Variants in TRIM22 observed in about 807,000 individuals in gnomAD.
The protein encoded by TRIM22 is E3 ubiquitin-protein ligase TRIM22.
A neutral mutation model predicts 53.6 loss-of-function variants in TRIM22; 45 were observed. That is an observed-to-expected ratio of 0.84 (90% CI 0.66 to 1.08). The LOEUF is 1.08. Among genes scored for constraint, TRIM22 ranks in the 50% least tolerant of loss-of-function variants. The pLI, the probability that TRIM22 is intolerant of heterozygous loss-of-function variation, is 0.00. For synonymous variants in TRIM22, 225 were observed against 216.6 expected (o/e 1.04, Z -0.34); for missense variants, 616 against 590.9 (o/e 1.04, Z -0.44).
rs1281477595 is a variant in TRIM22 at position 5,689,867 on chromosome 11, CCT to C, written c.-98_-97del. On this transcript the variant is annotated 5_prime_UTR_variant, in exon 1 of 8. Transcript: ENST00000379965. ...TCCTGCCCTGCCTTCACTCTTCTCC[CCT>C]GATTCAAGACTCCTCTGCTTTGGAC... 1 of 152,264 alleles carries C rather than the reference CCT, an allele frequency of 6.6e-6. No homozygotes were observed. The highest frequency in any genetic ancestry group is 1.9e-4 in the East Asian group (1 of 5,198). 9.4% of individuals were successfully genotyped at this position (152,264 alleles called of 1,614,324 possible).
At chr11:5,692,389 TA>T (rs1300187043) in intron 1 of TRIM22, among the ~76,000 whole-genome samples, 40 of 152,356 alleles carry the variant, frequency 2.6e-4, no homozygotes, top group African/African-American at 9.1e-4. Context: ...GACACTGGGG[TA>T]GCTTTATGAA....
At chr11:5,700,605 T>TTTTTTTTTTTTTTTTTTTTTTTC (rs369811867) in intron 4 of TRIM22, among the ~76,000 whole-genome samples, 2 of 92,870 alleles carry the variant, frequency 2.2e-5, no homozygotes, top group Non-Finnish European at 4.1e-5. Flanking sequence ...TTTTTTTTTT[T>TTTTTTTTTTTTTTTTTTTTTTTC]CAGATTTGTA....
At chr11:5,699,559 A>T (rs1279852312) in intron 4 of TRIM22, among the ~76,000 whole-genome samples, 1 of 122,158 alleles carries the variant, frequency 8.2e-6, no homozygotes, top group African/African-American at 3.9e-5. Flanking sequence ...AAAAAAAAAA[A>T]AAAAAAAAAA....
At chr11:5,708,963 C>T (rs2134184980) in intron 7 of TRIM22, 90 bp from the exon 8 acceptor site, 7 of 1,042,512 alleles carry the variant, frequency 6.7e-6, no homozygotes, top group East Asian at 4.8e-5. Context: ...TTGATATCGA[C>T]ACAAGTTTCA....
At chr11:5,694,878 T>A (rs1023981973) in intron 1 of TRIM22, among the ~76,000 whole-genome samples, 2 of 152,134 alleles carry the variant, frequency 1.3e-5, no homozygotes, top group Non-Finnish European at 2.9e-5. Context: ...TGTGTTAGGA[T>A]GTAAACACTT....
chr11:5,709,707 T>A lies in TRIM22; in HGVS notation c.*59T>A, dbSNP rs1017377966. 7.2e-7 allele frequency: 1 copy of A among 1,390,858 alleles called. No individual in the cohort carries two copies. Among genetic ancestry groups the A allele is most frequent in the Non-Finnish European group, 9.9e-7 (1 of 1,009,640 alleles). The allele number at this position is 1,390,858 out of a possible 1,614,324, so 86.2% of individuals were successfully genotyped here. ...AGCCCTTGTGCTGAGACTCAGATTC[T>A]GCACCTGAGTTCATCTCTACTGAGA... On this transcript the variant is annotated 3_prime_UTR_variant, in exon 8 of 8. Coordinates refer to ENST00000379965, the MANE Select transcript of TRIM22 (RefSeq NM_006074.5).
chr11:5,691,902 T>G (rs1853178816), intron 1 of TRIM22, among the ~76,000 whole-genome samples: 1 of 152,216 alleles, frequency 6.6e-6, no homozygotes, highest in Non-Finnish European at 1.5e-5. Flanking sequence ...CCATATCTAG[T>G]ATTTATTCAT....
intron 4 of TRIM22, among the ~76,000 whole-genome samples, chr11:5,700,454 T>C (rs1022529960): frequency 2.0e-5 from 3 of 152,068 alleles, no homozygotes; most frequent in African/African-American, 7.2e-5. Context: ...GCTTGTTTTA[T>C]TACACTAGCT....
At position 5,698,451 on chromosome 11, in the gene TRIM22, C is replaced by T; in HGVS notation, c.656C>T (p.Ala219Val). Residue 219 changes from alanine (A) to valine (V), a missense_variant, in exon 4 of 8, where the codon GCT becomes GTT. By Grantham distance (64) the Ala-to-Val change is moderately conservative. Coordinates refer to ENST00000379965, the MANE Select transcript of TRIM22 (RefSeq NM_006074.5). ...AATGTGCTGGATAACCTGGCAGCAG[C>T]TACAGACCAGCTGGTCCAGCAGAGG... Reference protein sequence around the residue: ...EVNVLDNLAAATDQLVQQRQD... With the variant: ...EVNVLDNLAAVTDQLVQQRQD... The T allele has an allele frequency of 6.2e-7, 1 of 1,614,174 alleles. No homozygotes were observed.
In TRIM22 at chr11:5,697,774, G is replaced by A. The variant is rs543188931; in HGVS notation, c.519+431G>A. ...GCTGGAGTGTAGTGGCGCGATCTTG[G>A]CTCACTGCAACCTCTGCCTCCCTGG... On this transcript the variant is annotated intron_variant, in intron 3 of 7. Coordinates refer to ENST00000379965, the MANE Select transcript of TRIM22 (RefSeq NM_006074.5). 17 of 168,396 alleles carry A rather than the reference G, an allele frequency of 1.0e-4. 1 individual carries two copies. The South Asian group carries it at 1.8e-3, about 18-fold the overall frequency. 10.4% of individuals were successfully genotyped at this position (168,396 alleles called of 1,614,324 possible).
chr11:5,708,141 G>T (rs557124245), intron 5 of TRIM22, 32 bp from the exon 6 acceptor site: 1 of 1,523,116 alleles, frequency 6.6e-7, no homozygotes, highest in South Asian at 1.1e-5. Flanking sequence ...TAGGGCAAAG[G>T]TGTAAAGGTT....
Position 5,704,653 on chromosome 11 carries a change from T to G in TRIM22, c.751-1941T>G, listed in dbSNP as rs148793481. Among the ~76,000 whole-genome samples, 230 of 152,126 alleles carry G rather than the reference T, an allele frequency of 1.5e-3. 2 individuals are homozygous for G. The highest frequency in any genetic ancestry group is 5.3e-3 in the African/African-American group (218 of 41,390). On this transcript the variant is annotated intron_variant, in intron 4 of 7. Coordinates refer to ENST00000379965, the MANE Select transcript of TRIM22 (RefSeq NM_006074.5). ...AGTTTCATTTTGGTAAAGATCTGTT[T>G]ATTTATTTTTTTCTCACATTGCCTT...
At chr11:5,696,773 G>A (rs879532872) in intron 2 of TRIM22, 118 bp downstream of exon 2, 24 of 1,095,696 alleles carry the variant, frequency 2.2e-5, no homozygotes, top group Non-Finnish European at 3.1e-5. Flanking sequence ...AGAGCCCTGT[G>A]ATCTCTTTCC....
At chr11:5,697,067 C>A in intron 2 of TRIM22, 181 bp from the exon 3 acceptor site, 1 of 556,526 alleles carries the variant, frequency 1.8e-6, no homozygotes. Flanking sequence ...TTCCATCATC[C>A]AGGAATAAAG....
At position 5,710,407 on chromosome 11, in the gene TRIM22, A is replaced by T. The variant is rs1349963536; in HGVS notation, c.*759A>T. 6.6e-6 allele frequency: 1 copy of T among 152,166 alleles called. No individual in the cohort carries two copies. Among genetic ancestry groups the T allele is most frequent in the Non-Finnish European group, 1.5e-5 (1 of 68,016 alleles). The allele number at this position is 152,166 out of a possible 1,614,324, so 9.4% of individuals were successfully genotyped here. ...AAGAGAAACTTGTCAACTCATATCC[A>T]CGTTATCTAGCAAAGTACATAAGAA... On this transcript the variant is annotated 3_prime_UTR_variant, in exon 8 of 8. Transcript: ENST00000379965.
chr11:5,695,344 G>A (rs907145097), intron 1 of TRIM22, among the ~76,000 whole-genome samples: 1 of 152,094 alleles, frequency 6.6e-6, no homozygotes, highest in African/African-American at 2.4e-5. Flanking sequence ...AGGAGCAAGT[G>A]CAAAAGCCTT....
At chr11:5,696,934 T>C in intron 2 of TRIM22, 1 of 506,112 alleles carries the variant, frequency 2.0e-6, no homozygotes, top group South Asian at 3.2e-5. Context: ...AAGAACAGTA[T>C]TTTTGGGAAC....
intron 4 of TRIM22, 102 bp from the exon 5 acceptor site, chr11:5,706,492 C>G: frequency 1.9e-6 from 2 of 1,035,230 alleles, no homozygotes; most frequent in South Asian, 3.1e-5. Flanking sequence ...ATATATATAA[C>G]AAAAAATATA....
chr11:5,703,758 T>C (rs1051107055), intron 4 of TRIM22, among the ~76,000 whole-genome samples: 2 of 152,330 alleles, frequency 1.3e-5, no homozygotes, highest in South Asian at 2.1e-4. Context: ...AGTCTACTAT[T>C]GATGGATACC....
Sources: gnomAD v4.1 joint callset for allele counts (sites outside exome capture counted in the v4.1 genomes callset) on GRCh38, gnomAD v4.1.1 for gene constraint, MANE v1.5 for transcripts, NCBI Gene and HGNC (gene_info 2026-07-23, HGNC 2026-07-21) for gene names.